ALDH2: variants seen among roughly 807,000 people sequenced by gnomAD.
The protein encoded by ALDH2 is aldehyde dehydrogenase, mitochondrial.
In ALDH2, 44 loss-of-function variants were observed where a neutral mutation model predicts 59.6. That is an observed-to-expected ratio of 0.74 (90% CI 0.58 to 0.95). ALDH2 has a LOEUF of 0.95. Among genes scored for constraint, ALDH2 ranks in the 40% least tolerant of loss-of-function variants. The probability of loss-of-function intolerance (pLI) is 0.00; values close to 1 mark genes in which losing one functional copy is unlikely to be tolerated. For missense variants in ALDH2, 570 were observed against 696.3 expected, an observed-to-expected ratio of 0.82 and a Z score of 2.04; for synonymous variants, 291 against 284.0, an observed-to-expected ratio of 1.02 and a Z score of -0.25.
At chr12:111,777,064 A>G (rs1307493596) in intron 1 of ALDH2, among the ~76,000 whole-genome samples, 1 of 152,162 alleles carries the variant, frequency 6.6e-6, no homozygotes, top group East Asian at 1.9e-4. Context: ...CAGAATTCCA[A>G]CCTCCTTGAA....
At chr12:111,768,919 GGCTGC>G (rs2068178705) in intron 1 of ALDH2, among the ~76,000 whole-genome samples, 26 of 152,232 alleles carry the variant, frequency 1.7e-4, no homozygotes, top group Admixed American at 1.7e-3. Flanking sequence ...AGGAGTTCGA[GGCTGC>G]AGTGAGCTAT....
chr12:111,771,066 A>G (rs2068195881), intron 1 of ALDH2, among the ~76,000 whole-genome samples: 1 of 152,008 alleles, frequency 6.6e-6, no homozygotes, highest in South Asian at 2.1e-4. Flanking sequence ...AGTGTGAAGC[A>G]CTGAACTAAA....
At chr12:111,808,035 C>A (rs1445063623) in intron 12 of ALDH2, among the ~76,000 whole-genome samples, 1 of 152,008 alleles carries the variant, frequency 6.6e-6, no homozygotes, top group Non-Finnish European at 1.5e-5. Flanking sequence ...TGCCACCACA[C>A]CTGGCTAATT....
At chr12:111,792,226 C>G in intron 8 of ALDH2, 63 bp downstream of exon 8, 2 of 1,293,006 alleles carry the variant, frequency 1.5e-6, no homozygotes, top group Non-Finnish European at 2.2e-6. Context: ...TGTTGTGGCT[C>G]CAGCCGATCC....
intron 7 of ALDH2, 114 bp from the exon 8 acceptor site, chr12:111,791,947 T>C: frequency 1.4e-6 from 1 of 715,218 alleles, no homozygotes; most frequent in Non-Finnish European, 2.5e-6. Context: ...TCTCTAGGTC[T>C]CTCGTGGTCC....
At chr12:111,798,300 T>C in intron 10 of ALDH2, 58 bp downstream of exon 10, 1 of 1,499,822 alleles carries the variant, frequency 6.7e-7, no homozygotes, top group East Asian at 2.3e-5. Context: ...AGGTAAACAG[T>C]TCAGCCTGGC....
intron 1 of ALDH2, among the ~76,000 whole-genome samples, chr12:111,770,384 A>C (rs1364071772): frequency 6.6e-6 from 1 of 152,186 alleles, no homozygotes; most frequent in Non-Finnish European, 1.5e-5. Flanking sequence ...TGTTTCCTGA[A>C]GGGGTGAGCT....
At chr12:111,776,061 C>T (rs950078888) in intron 1 of ALDH2, among the ~76,000 whole-genome samples, 2 of 152,188 alleles carry the variant, frequency 1.3e-5, no homozygotes, top group Admixed American at 6.5e-5. Flanking sequence ...GAAAGGCAAA[C>T]ATGCCAGGGA....
intron 7 of ALDH2, 66 bp downstream of exon 7, chr12:111,791,485 G>A (rs1804969683): frequency 1.6e-6 from 2 of 1,259,780 alleles, no homozygotes; most frequent in Non-Finnish European, 2.3e-6. Flanking sequence ...CTCAGTGGAC[G>A]ACATGCTCAA....
chr12:111,789,702 A>C, intron 4 of ALDH2, 121 bp from the exon 5 acceptor site: 1 of 855,078 alleles, frequency 1.2e-6, no homozygotes, highest in African/African-American at 1.7e-5. Context: ...TGAATAAGCC[A>C]AAAGCAAAGA....
Position 111,798,061 on chromosome 12 carries a change from G to T in ALDH2, c.1084-17G>T, listed in dbSNP as rs1407242788. On this transcript the variant is annotated splice_polypyrimidine_tract_variant and intron_variant, in intron 9 of 12. Coordinates refer to ENST00000261733, the MANE Select transcript of ALDH2 (RefSeq NM_000690.4). ...TGAATCCGATGTCTCCATAACTCTG[G>T]GTTCCTTCTCCCACAGGTGGATGAA... 6.2e-7 allele frequency: 1 copy of T among 1,613,906 alleles called. No homozygotes were observed. The highest frequency in any genetic ancestry group is 8.5e-7 in the Non-Finnish European group (1 of 1,179,996).
intron 9 of ALDH2, among the ~76,000 whole-genome samples, chr12:111,796,334 A>AT (rs201128183): frequency 3.7e-4 from 56 of 149,396 alleles, no homozygotes; most frequent in African/African-American, 1.2e-3. Flanking sequence ...AAAATAAATA[A>AT]TTTTTTTTTT....
At chr12:111,806,924 G>A (rs189440027) in intron 12 of ALDH2, among the ~76,000 whole-genome samples, 5 of 151,674 alleles carry the variant, frequency 3.3e-5, no homozygotes, top group Admixed American at 2.0e-4. Context: ...AGCTGAGATC[G>A]CGCCACTGTA....
intron 7 of ALDH2, 137 bp downstream of exon 7, chr12:111,791,556 G>A (rs2068359696): frequency 1.5e-6 from 1 of 683,234 alleles, no homozygotes. Flanking sequence ...TAGGTACCAG[G>A]AGGGGTGGGG....
Position 111,799,945 on chromosome 12 carries a change from A to G in ALDH2, c.1288A>G (p.Ile430Val), listed in dbSNP as rs750085443. 10 of 1,613,994 alleles carry G rather than the reference A, an allele frequency of 6.2e-6. No individual in the cohort carries two copies. The highest frequency in any genetic ancestry group is 8.5e-6 in the Non-Finnish European group (10 of 1,180,038). Residue 430 changes from isoleucine to valine, a missense_variant, in exon 11 of 13, where the codon ATA becomes GTA. Coordinates refer to ENST00000261733, the MANE Select transcript of ALDH2 (RefSeq NM_000690.4). ...GATGCAGATCCTGAAGTTCAAGACC[A>G]TAGAGGAGGTTGTTGGGAGAGCCAA... ...PVMQILKFKT[I>V]EEVVGRANNS...
intron 1 of ALDH2, among the ~76,000 whole-genome samples, chr12:111,780,279 A>C (rs1196267672): frequency 6.6e-6 from 1 of 152,226 alleles, no homozygotes; most frequent in Admixed American, 6.5e-5. Flanking sequence ...CATTGGCCTC[A>C]TGAGGAAGGA....
intron 9 of ALDH2, among the ~76,000 whole-genome samples, chr12:111,797,658 T>C (rs1427881980): frequency 6.6e-6 from 1 of 152,122 alleles, no homozygotes; most frequent in Non-Finnish European, 1.5e-5. Flanking sequence ...TGTTCATTTC[T>C]CTTTGTGCAT....
At chr12:111,799,497 C>T (rs1212181231) in intron 10 of ALDH2, among the ~76,000 whole-genome samples, 1 of 148,110 alleles carries the variant, frequency 6.8e-6, no homozygotes, top group Non-Finnish European at 1.5e-5. Flanking sequence ...TGAGTAAAGA[C>T]AGGGTCTCTC....
At chr12:111,768,891 G>A (rs1441739974) in intron 1 of ALDH2, among the ~76,000 whole-genome samples, 1 of 152,228 alleles carries the variant, frequency 6.6e-6, no homozygotes, top group Non-Finnish European at 1.5e-5. Flanking sequence ...GGCCGAGGTG[G>A]GAGGATCACT....
Sources: allele counts gnomAD v4.1 joint callset (sites outside exome capture counted in the v4.1 genomes callset), GRCh38; gene constraint gnomAD v4.1.1; transcripts MANE v1.5; gene names NCBI Gene and HGNC (gene_info 2026-07-23, HGNC 2026-07-21).